The following SLC9C2 variants were observed in gnomAD, a reference collection of about 807,000 sequenced individuals.
The protein encoded by SLC9C2 is solute carrier family 9 member C2 (putative).
A neutral mutation model predicts 140.2 loss-of-function variants in SLC9C2; 75 were observed. The observed-to-expected ratio is 0.53, with a 90% CI of 0.44 to 0.65. SLC9C2 has a LOEUF of 0.65. SLC9C2 is among the 30% of genes least tolerant of loss of function. The pLI, the probability that SLC9C2 is intolerant of heterozygous loss-of-function variation, is 0.00. For synonymous variants in SLC9C2, 375 were observed against 420.9 expected (o/e 0.89, Z 1.34); for missense variants, 1,074 against 1,331.8 (o/e 0.81, Z 3.01).
chr1:173,519,469 C>T (rs1417563229), intron 22 of SLC9C2, among the ~76,000 whole-genome samples: 2 of 151,816 alleles, frequency 1.3e-5, no homozygotes, highest in Non-Finnish European at 2.9e-5. Flanking sequence ...GGATTTCTGA[C>T]CTACACAGCC....
intron 13 of SLC9C2, among the ~76,000 whole-genome samples, chr1:173,539,969 G>A (rs1662256985): frequency 6.6e-6 from 1 of 152,136 alleles, no homozygotes; most frequent in African/African-American, 2.4e-5. Context: ...CCCATTAAGA[G>A]GTGTAATCTA....
intron 19 of SLC9C2, 25 bp from the exon 20 acceptor site, chr1:173,524,952 G>C: frequency 6.2e-7 from 1 of 1,611,062 alleles, no homozygotes; most frequent in South Asian, 1.1e-5. Context: ...ATAAAATTCA[G>C]TAAGTGGCCT....
intron 2 of SLC9C2, 131 bp downstream of exon 2, chr1:173,601,519 G>T: frequency 1.0e-6 from 1 of 957,096 alleles, no homozygotes; most frequent in Non-Finnish European, 1.5e-6. Context: ...AAGCGAGATT[G>T]ACAGTATTCA....
intron 9 of SLC9C2, among the ~76,000 whole-genome samples, chr1:173,558,509 T>C (rs886872798): frequency 1.3e-5 from 2 of 152,202 alleles, no homozygotes; most frequent in African/African-American, 2.4e-5. Context: ...ACTGCATAAC[T>C]ACATAAGCAA....
intron 9 of SLC9C2, among the ~76,000 whole-genome samples, chr1:173,561,085 C>T (rs192429518): frequency 1.9e-4 from 29 of 152,284 alleles, no homozygotes; most frequent in Non-Finnish European, 4.0e-4. Context: ...TGTGAGCCAC[C>T]GTGCCCGGCC....
At chr1:173,528,629 G>A (rs1661367997) in intron 18 of SLC9C2, among the ~76,000 whole-genome samples, 1 of 152,148 alleles carries the variant, frequency 6.6e-6, no homozygotes, top group Admixed American at 6.5e-5. Flanking sequence ...TAAGTAAAGA[G>A]CCTCTCTTGA....
intron 4 of SLC9C2, among the ~76,000 whole-genome samples, chr1:173,589,028 T>C (rs1007765160): frequency 1.3e-5 from 2 of 152,104 alleles, no homozygotes; most frequent in African/African-American, 4.8e-5. Context: ...CAATGAACCA[T>C]GATATTACCA....
chr1:173,578,991 T>C (rs1665356644), intron 7 of SLC9C2, among the ~76,000 whole-genome samples: 2 of 152,236 alleles, frequency 1.3e-5, no homozygotes, highest in Admixed American at 1.3e-4. Context: ...CCTAGCAAGC[T>C]TTCATTCTGA....
At chr1:173,580,143 T>C (rs910505005) in intron 7 of SLC9C2, among the ~76,000 whole-genome samples, 2 of 144,034 alleles carry the variant, frequency 1.4e-5, no homozygotes, top group Admixed American at 1.4e-4. Context: ...AGTTGCAGTG[T>C]TGCAGTGTCT....
intron 2 of SLC9C2, among the ~76,000 whole-genome samples, chr1:173,601,353 T>C (rs777702817): frequency 2.4e-4 from 37 of 152,212 alleles, no homozygotes; most frequent in Non-Finnish European, 4.6e-4. Flanking sequence ...ATAGTTATAC[T>C]TAACACACTG....
In SLC9C2 at chr1:173,534,284, C is replaced by T. The variant is rs563794717; in HGVS notation, c.1974+200G>A. On this transcript the variant is annotated intron_variant, in intron 16 of 27. Transcript: ENST00000367714. The stretch of plus-strand genomic sequence containing the variant: ...ATCTCTCTACTTTTATGATACTTAA[C>T]TGATGTCCAATACCATGACTCTTAT... 5.3e-5 allele frequency among the ~76,000 whole-genome samples: 8 copies of T among 152,194 alleles called. No individual in the cohort carries two copies. In the South Asian group the frequency reaches 6.2e-4, roughly 12 times the overall value.
chr1:173,537,902 G>A (rs1662094569), intron 13 of SLC9C2, among the ~76,000 whole-genome samples: 1 of 152,116 alleles, frequency 6.6e-6, no homozygotes, highest in Non-Finnish European at 1.5e-5. Context: ...TGGAACTGCT[G>A]CCTACATTTC....
intron 9 of SLC9C2, among the ~76,000 whole-genome samples, chr1:173,567,863 T>C (rs1310847435): frequency 1.3e-5 from 2 of 152,138 alleles, no homozygotes; most frequent in East Asian, 1.9e-4. Context: ...AGCTGGTAAA[T>C]ACTATCTTAT....
At chr1:173,525,576 T>C (rs1450188373) in intron 19 of SLC9C2, among the ~76,000 whole-genome samples, 1 of 152,226 alleles carries the variant, frequency 6.6e-6, no homozygotes, top group African/African-American at 2.4e-5. Context: ...CACTACTTAC[T>C]AGCCATAGGG....
chr1:173,540,634 G>A lies in SLC9C2; in HGVS notation c.1558-3595C>T, dbSNP rs776131971. Among the ~76,000 whole-genome samples the A allele has an allele frequency of 2.8e-4, 42 of 152,130 alleles. 1 individual carries two copies. Among genetic ancestry groups the A allele is most frequent in the Admixed American group, 2.6e-3 (40 of 15,270 alleles). Reference sequence around the variant, plus strand: ...GCCAGGCTGTCACCTGAGGCAACTCGGAAGACAGAAAATGTACCTCATGAA... The same window carrying A: ...GCCAGGCTGTCACCTGAGGCAACTCAGAAGACAGAAAATGTACCTCATGAA... On this transcript the variant is annotated intron_variant, in intron 13 of 27. Coordinates refer to ENST00000367714, the MANE Select transcript of SLC9C2 (RefSeq NM_178527.4).
chr1:173,602,169 C>T lies in SLC9C2; in HGVS notation c.-79-314G>A, dbSNP rs531815244. Among the ~76,000 whole-genome samples the T allele has an allele frequency of 2.7e-4, 41 of 152,180 alleles. No individual in the cohort carries two copies. The South Asian group carries it at 4.6e-3, about 17-fold the overall frequency. ...AGTGAGTTTCTCAAAGGCCAGGGCC[C>T]GAACTTTCCTTAAGGCTGTGCACAT... is the stretch of plus-strand genomic sequence containing the variant. On this transcript the variant is annotated intron_variant, in intron 1 of 27. Transcript: ENST00000367714.
chr1:173,600,195 C>A lies in SLC9C2; in HGVS notation c.150G>T (p.Lys50Asn). ...TCGTCAAAACAATGACTTCACAATT[C>A]TTTAAACACATCTTCAAAAGCCCTA... ...VLGGLLKMCLKNCEVIVLTIL... is the reference protein window; with the variant it reads ...VLGGLLKMCLNNCEVIVLTIL... The change falls in exon 3 of 28, where the codon AAG (lysine) becomes AAT (asparagine). Residue 50 changes from lysine (K) to asparagine (N), a missense_variant. Lys to Asn is a moderately conservative substitution (Grantham distance 94). Coordinates refer to ENST00000367714, the MANE Select transcript of SLC9C2 (RefSeq NM_178527.4). The A allele has an allele frequency of 6.2e-7, 1 of 1,611,794 alleles. No homozygotes were observed. Among genetic ancestry groups the A allele is most frequent in the Non-Finnish European group, 8.5e-7 (1 of 1,178,806 alleles).
In SLC9C2 at chr1:173,601,720, C is replaced by T. The variant is rs1044581528; in HGVS notation, c.57G>A (p.Gly19=). The T allele has an allele frequency of 6.2e-7, 1 of 1,614,106 alleles. No individual in the cohort carries two copies. The highest frequency in any genetic ancestry group is 1.3e-5 in the African/African-American group (1 of 75,044). Residue 19 remains glycine (G), a synonymous_variant, in exon 2 of 28, where the codon GGG becomes GGA. Transcript: ENST00000367714. ...CTTCAACAAGGTAGTCAGCTGGCTG[C>T]CCGCAGAGTAAATCAGGTCTGTTAC... The part of the protein sequence containing the change: ...NESNRPDLLC[G]QPADYLVEEK...
At chr1:173,569,052 T>C (rs964018008) in intron 9 of SLC9C2, among the ~76,000 whole-genome samples, 2 of 152,194 alleles carry the variant, frequency 1.3e-5, no homozygotes, top group African/African-American at 4.8e-5. Context: ...TTCTCCTTCA[T>C]GTTTGAAGGA....
Sources: gnomAD v4.1 joint callset for allele counts (sites outside exome capture counted in the v4.1 genomes callset) on GRCh38, gnomAD v4.1.1 for gene constraint, MANE v1.5 for transcripts, NCBI Gene and HGNC (gene_info 2026-07-23, HGNC 2026-07-21) for gene names.